MTOR: variants seen among roughly 807,000 people sequenced by gnomAD.
The protein encoded by MTOR is serine/threonine-protein kinase mTOR.
In MTOR, 70 loss-of-function variants were observed where a neutral mutation model predicts 319.8. The observed-to-expected ratio is 0.22, with a 90% CI of 0.18 to 0.27. The LOEUF is 0.27. Ranked by LOEUF, MTOR falls within the 10% of genes least tolerant of loss-of-function variation. MTOR has a pLI of 1.00. For synonymous variants in MTOR, 1,183 were observed against 1,211.4 expected (o/e 0.98, Z 0.49); for missense variants, 1,890 against 3,274.4 (o/e 0.58, Z 10.32).
chr1:11,222,227 C>T (rs192759128), intron 19 of MTOR, among the ~76,000 whole-genome samples: 199 of 149,966 alleles, frequency 1.3e-3, no homozygotes, highest in African/African-American at 4.8e-3. Context: ...GACGGAGTCT[C>T]GCTCTGTCAC....
chr1:11,113,217 C>T (rs1331507206), intron 53 of MTOR, among the ~76,000 whole-genome samples: 5 of 152,132 alleles, frequency 3.3e-5, no homozygotes, highest in Non-Finnish European at 7.4e-5. Flanking sequence ...CCTAAGGTGG[C>T]AGAACAAAGG....
chr1:11,194,342 A>G, intron 28 of MTOR: 1 of 936,130 alleles, frequency 1.1e-6, no homozygotes, highest in Non-Finnish European at 1.7e-6. Context: ...ATAAAGTCTT[A>G]TTAGATTCAC....
chr1:11,235,295 A>G (rs1055248996), intron 13 of MTOR, among the ~76,000 whole-genome samples: 7 of 152,190 alleles, frequency 4.6e-5, no homozygotes, highest in Admixed American at 2.6e-4. Flanking sequence ...ACAATAACCA[A>G]TGCCCACCCT....
chr1:11,239,616 T>C (rs528437866), intron 11 of MTOR, among the ~76,000 whole-genome samples: 1 of 152,278 alleles, frequency 6.6e-6, no homozygotes, highest in Non-Finnish European at 1.5e-5. Context: ...TTAGAAATCA[T>C]ACCGCCAGCC....
intron 20 of MTOR, among the ~76,000 whole-genome samples, chr1:11,215,497 G>T (rs563026196): frequency 3.3e-5 from 5 of 152,318 alleles, no homozygotes; most frequent in Non-Finnish European, 7.4e-5. Flanking sequence ...TGGTGTGAAA[G>T]AACAGAAATC....
intron 29 of MTOR, among the ~76,000 whole-genome samples, chr1:11,157,633 A>G (rs541409816): frequency 5.9e-5 from 9 of 152,250 alleles, no homozygotes; most frequent in African/African-American, 2.2e-4. Context: ...TCATTTAGGG[A>G]TAGAAGAAAA....
chr1:11,186,082 C>CAAAAAA (rs765868801), intron 28 of MTOR, among the ~76,000 whole-genome samples: 5 of 43,008 alleles, frequency 1.2e-4, no homozygotes, highest in Non-Finnish European at 1.9e-4. Flanking sequence ...GACTCCGTCT[C>CAAAAAA]AAAAAAAAAA....
intron 30 of MTOR, among the ~76,000 whole-genome samples, chr1:11,156,379 G>A (rs1191827087): frequency 1.3e-5 from 2 of 152,146 alleles, no homozygotes; most frequent in African/African-American, 4.8e-5. Flanking sequence ...TGCACTTGTT[G>A]TTGGAAACAG....
chr1:11,170,464 C>T (rs374903752), intron 28 of MTOR, among the ~76,000 whole-genome samples: 1 of 151,862 alleles, frequency 6.6e-6, no homozygotes, highest in Non-Finnish European at 1.5e-5. Flanking sequence ...GCCTGTAATC[C>T]CAGCACTTTG....
intron 25 of MTOR, among the ~76,000 whole-genome samples, chr1:11,207,409 C>CTTTT (rs386366225): frequency 0.52 from 58,949 of 113,732 alleles, 18,997 homozygotes; most frequent in East Asian, 0.71. Context: ...CCCCCTACCT[C>CTTTT]TTTTTTTTTT....
At chr1:11,229,558 G>C (rs1646952361) in intron 18 of MTOR, among the ~76,000 whole-genome samples, 1 of 152,218 alleles carries the variant, frequency 6.6e-6, no homozygotes, top group South Asian at 2.1e-4. Flanking sequence ...CTATGGGGCT[G>C]ACAGAATGAC....
chr1:11,157,304 A>C lies in MTOR; in HGVS notation c.4330-13T>G. The C allele has an allele frequency of 6.2e-7, 1 of 1,611,138 alleles. No homozygotes were observed. Among genetic ancestry groups the C allele is most frequent in the South Asian group, 1.1e-5 (1 of 90,570 alleles). ...TAGCCTGGATCTCCTGTTACATGGG[A>C]AAGAAAGACTGCTGTGAGGTACACA... On this transcript the variant is annotated splice_polypyrimidine_tract_variant and intron_variant, in intron 29 of 57. Transcript: ENST00000361445.
At chr1:11,248,172 A>G (rs781026536) in intron 6 of MTOR, 78 bp from the exon 7 acceptor site, 39 of 1,430,684 alleles carry the variant, frequency 2.7e-5, no homozygotes, top group Non-Finnish European at 3.4e-5. Context: ...TCTACAGACA[A>G]TTACATTTGC....
At position 11,238,682 on chromosome 1, in the gene MTOR, T is replaced by C. The variant is rs12132215; in HGVS notation, c.1787-65A>G. The C allele has an allele frequency of 0.035, 49,089 of 1,407,198 alleles. 1,501 individuals carry two copies. Among genetic ancestry groups the C allele is most frequent in the South Asian group, 0.11 (8,237 of 74,898 alleles). The allele number at this position is 1,407,198 out of a possible 1,614,324, so 87.2% of individuals were successfully genotyped here. On this transcript the variant is annotated intron_variant, in intron 11 of 57. Transcript: ENST00000361445. ...TGCTGTAGACAGGTAGGTCTGCAGC[T>C]TGCTAGCTGAATTTTCCATTTTGAG...
At chr1:11,248,166 C>G (rs1202521910) in intron 6 of MTOR, 72 bp from the exon 7 acceptor site, 1 of 1,447,672 alleles carries the variant, frequency 6.9e-7, no homozygotes, top group African/African-American at 1.4e-5. Flanking sequence ...GTGGATTCTA[C>G]AGACAATTAC....
intron 28 of MTOR, among the ~76,000 whole-genome samples, chr1:11,181,269 T>TA (rs138706925): frequency 0.062 from 9,109 of 147,630 alleles, 380 homozygotes; most frequent in South Asian, 0.13. Flanking sequence ...TCTTCCTAAG[T>TA]AAAAAAAAAA....
At position 11,139,637 on chromosome 1, in the gene MTOR, C is replaced by G; in HGVS notation, c.4894G>C (p.Asp1632His). 2.5e-6 allele frequency: 4 copies of G among 1,614,212 alleles called. No individual in the cohort carries two copies. Among genetic ancestry groups the G allele is most frequent in the Non-Finnish European group, 3.4e-6 (4 of 1,180,050 alleles). ...CGCACCATAAGGATTTTCTGCCAGT[C>G]CTCTACGATACGCTGGCAGCCCTGG... The part of the protein sequence containing the change: ...RLQGCQRIVE[D>H]WQKILMVRSL... Residue 1632 changes from aspartate (D) to histidine (H), a missense_variant, in exon 35 of 58, where the codon GAC (aspartate) becomes CAC (histidine). By Grantham distance (81) the Asp-to-His change is moderately conservative (BLOSUM62 -1). Around this residue, in one of 15 missense-constraint regions of MTOR, gnomAD observed 276 missense variants for 459.4 expected, o/e 0.60. Transcript: ENST00000361445.
At chr1:11,227,174 T>C (rs370816893) in intron 19 of MTOR, among the ~76,000 whole-genome samples, 44 of 151,512 alleles carry the variant, frequency 2.9e-4, no homozygotes, top group African/African-American at 1.0e-3. Context: ...GGTGCACCCC[T>C]GTAATCCCAG....
At chr1:11,167,744 C>G (rs942207632) in intron 28 of MTOR, among the ~76,000 whole-genome samples, 1 of 152,198 alleles carries the variant, frequency 6.6e-6, no homozygotes, top group Non-Finnish European at 1.5e-5. Flanking sequence ...AATGGGAACA[C>G]TCATCTTGCT....
Sources: gnomAD v4.1 joint callset for allele counts (sites outside exome capture counted in the v4.1 genomes callset) on GRCh38, gnomAD v4.1.1 for gene constraint, gnomAD v4.1.1 regional missense constraint, MANE v1.5 for transcripts, NCBI Gene and HGNC (gene_info 2026-07-23, HGNC 2026-07-21) for gene names.